CELF2: variants seen among roughly 807,000 people sequenced by gnomAD.
CELF2 encodes the protein CUG triplet repeat RNA-binding protein 2.
A neutral mutation model predicts 62.6 loss-of-function variants in CELF2; 8 were observed. The ratio of observed to expected loss-of-function variants is 0.13; its 90% confidence interval spans 0.07 to 0.23. CELF2 has a LOEUF of 0.23. Ranked by LOEUF, CELF2 falls within the 10% of genes least tolerant of loss-of-function variation. CELF2 has a pLI of 1.00. For synonymous variants in CELF2, 258 were observed against 250.0 expected, an observed-to-expected ratio of 1.03 and a Z score of -0.30; for missense variants, 333 against 671.0, an observed-to-expected ratio of 0.50 and a Z score of 5.56.
chr10:10,840,084 A>G (rs1695062410), intron 1 of CELF2, among the ~76,000 whole-genome samples: 1 of 152,090 alleles, frequency 6.6e-6, no homozygotes, highest in South Asian at 2.1e-4. Flanking sequence ...TGGATGTACT[A>G]GTTTGTTGGT....
the CELF2 span, among the ~76,000 whole-genome samples, chr10:10,671,460 T>C: frequency 6.6e-6 from 1 of 152,164 alleles, no homozygotes; most frequent in African/African-American, 2.4e-5. Context: ...AGGACTGTGA[T>C]AGCTGGATCA....
intron 2 of CELF2, among the ~76,000 whole-genome samples, chr10:10,988,138 C>T (rs1401400602): frequency 6.6e-6 from 1 of 152,134 alleles, no homozygotes; most frequent in African/African-American, 2.4e-5. Context: ...GGCACTTACA[C>T]ATGCTTGTTT....
intron 2 of CELF2, among the ~76,000 whole-genome samples, chr10:11,170,474 C>T (rs1261468042): frequency 1.3e-5 from 2 of 152,160 alleles, no homozygotes; most frequent in East Asian, 3.9e-4. Flanking sequence ...AGATCATGTC[C>T]ATCTGGAGTG....
In CELF2 at chr10:11,331,993, G is replaced by C. The variant is rs1446273738; in HGVS notation, c.*2940G>C. On this transcript the variant is annotated 3_prime_UTR_variant, in exon 13 of 13. Coordinates refer to ENST00000633077, the MANE Select transcript of CELF2 (RefSeq NM_001326342.2). Reference sequence around the variant, plus strand: ...TTTGACTACTTTGTTCTTTGGTTAAGATCCAAAAGAAAACAGAAAACAATT... The same window carrying C: ...TTTGACTACTTTGTTCTTTGGTTAACATCCAAAAGAAAACAGAAAACAATT... 6.6e-6 allele frequency: 1 copy of C among 152,120 alleles called. No homozygotes were observed. The highest frequency in any genetic ancestry group is 1.5e-5 in the Non-Finnish European group (1 of 68,010). The allele number at this position is 152,120 out of a possible 1,614,324, so 9.4% of individuals were successfully genotyped here.
chr10:11,232,660 T>G (rs1362178381), intron 3 of CELF2, among the ~76,000 whole-genome samples: 1 of 152,228 alleles, frequency 6.6e-6, no homozygotes, highest in East Asian at 1.9e-4. Flanking sequence ...TTGATGATGT[T>G]GCATGGTACT....
the CELF2 span, among the ~76,000 whole-genome samples, chr10:10,640,897 T>C: frequency 1.3e-5 from 2 of 152,216 alleles, no homozygotes; most frequent in African/African-American, 4.8e-5. Flanking sequence ...TGGCCATCTT[T>C]GTTTCCCTCC....
chr10:10,977,592 CAGAA>C (rs1272195565), intron 2 of CELF2, among the ~76,000 whole-genome samples: 5 of 152,312 alleles, frequency 3.3e-5, no homozygotes, highest in South Asian at 2.1e-4. Flanking sequence ...TTCTGAAACA[CAGAA>C]AGAGAAAGAA....
At chr10:10,645,422 C>A in the CELF2 span, among the ~76,000 whole-genome samples, 1 of 152,110 alleles carries the variant, frequency 6.6e-6, no homozygotes, top group Non-Finnish European at 1.5e-5. Flanking sequence ...CGAGGCTGAG[C>A]TGGGAAGATC....
chr10:10,548,270 T>C, the CELF2 span, among the ~76,000 whole-genome samples: 2 of 152,212 alleles, frequency 1.3e-5, no homozygotes, highest in African/African-American at 2.4e-5. Flanking sequence ...AGCTCCCAAT[T>C]TATAATTACT....
rs561882955 is a variant in CELF2 at position 11,156,760 on chromosome 10, G to A, written c.75-8726G>A. On this transcript the variant is annotated intron_variant, in intron 1 of 12. Coordinates refer to ENST00000633077, the MANE Select transcript of CELF2 (RefSeq NM_001326342.2). The surrounding 1 kb of genome is among the most constrained non-coding windows in gnomAD (Gnocchi z 4.3). Reference sequence around the variant, plus strand: ...TTCTGAGGTTCCGCGGTCAGAGAAGGGAAAGGCCAGAGCAAGCAGCCAGTC... The same window carrying A: ...TTCTGAGGTTCCGCGGTCAGAGAAGAGAAAGGCCAGAGCAAGCAGCCAGTC... 6.6e-6 allele frequency among the ~76,000 whole-genome samples: 1 copy of A among 152,296 alleles called. No homozygotes were observed. Among genetic ancestry groups the A allele is most frequent in the African/African-American group, 2.4e-5 (1 of 41,560 alleles).
At chr10:11,125,004 A>G (rs1287551830) in intron 1 of CELF2, among the ~76,000 whole-genome samples, 1 of 152,182 alleles carries the variant, frequency 6.6e-6, no homozygotes, top group Non-Finnish European at 1.5e-5. Context: ...ATTTGTCCCC[A>G]TATTGTGTGA....
At chr10:10,566,613 C>T in the CELF2 span, among the ~76,000 whole-genome samples, 1 of 146,684 alleles carries the variant, frequency 6.8e-6, no homozygotes, top group Non-Finnish European at 1.5e-5. Flanking sequence ...ATTCCCCTTC[C>T]TGTGTCCAAG....
At chr10:10,808,021 T>C (rs1449114984) in intron 1 of CELF2, among the ~76,000 whole-genome samples, 2 of 152,196 alleles carry the variant, frequency 1.3e-5, no homozygotes, top group Non-Finnish European at 2.9e-5. Context: ...GCTGTTTGCA[T>C]GAGCAGAGTA....
At chr10:10,838,970 C>A (rs562061752) in intron 1 of CELF2, among the ~76,000 whole-genome samples, 1 of 151,920 alleles carries the variant, frequency 6.6e-6, no homozygotes, top group East Asian at 1.9e-4. Flanking sequence ...GAAAACCCAT[C>A]TCTACTAAAA....
At chr10:11,120,722 C>T (rs961528936) in intron 1 of CELF2, among the ~76,000 whole-genome samples, 6 of 152,186 alleles carry the variant, frequency 3.9e-5, no homozygotes, top group Non-Finnish European at 7.3e-5. Context: ...CTCCAGCTTC[C>T]CCACCCCTCA....
intron 1 of CELF2, among the ~76,000 whole-genome samples, chr10:10,917,444 A>G (rs1409292239): frequency 2.0e-5 from 3 of 151,900 alleles, no homozygotes; most frequent in Admixed American, 6.6e-5. Flanking sequence ...GGCTCAAGCA[A>G]TCCTCCCGCC....
chr10:11,235,385 G>A (rs1023244254), intron 3 of CELF2, among the ~76,000 whole-genome samples: 6 of 152,082 alleles, frequency 3.9e-5, no homozygotes, highest in Non-Finnish European at 4.4e-5. Flanking sequence ...TTTCAGTTAC[G>A]TGCGGTATAT....
At chr10:10,713,552 C>T in the CELF2 span, among the ~76,000 whole-genome samples, 4 of 152,220 alleles carry the variant, frequency 2.6e-5, no homozygotes, top group Non-Finnish European at 4.4e-5. Flanking sequence ...CAGATAATCA[C>T]CTACGACCCT....
intron 1 of CELF2, among the ~76,000 whole-genome samples, chr10:10,823,580 G>A (rs713132): frequency 0.71 from 107,375 of 151,886 alleles, 38,095 homozygotes; most frequent in East Asian, 0.79. Flanking sequence ...GTTTTCTTAT[G>A]CACAAAAAAA....
Sources: gnomAD v4.1 joint callset for allele counts (sites outside exome capture counted in the v4.1 genomes callset) on GRCh38, gnomAD v4.1.1 for gene constraint, Gnocchi (gnomAD v3.1) non-coding constraint, MANE v1.5 for transcripts, NCBI Gene and HGNC (gene_info 2026-07-23, HGNC 2026-07-21) for gene names.